RREB1: variants seen among roughly 807,000 people sequenced by gnomAD.
RREB1 encodes ras responsive element binding protein 1, also known as ras-responsive element-binding protein 1.
In RREB1, 27 loss-of-function variants were observed where a neutral mutation model predicts 117.8. The ratio of observed to expected loss-of-function variants is 0.23; its 90% CI spans 0.17 to 0.32. RREB1 has a LOEUF of 0.32. Among genes scored for constraint, RREB1 ranks in the 10% least tolerant of loss-of-function variants. The probability of loss-of-function intolerance (pLI) is 1.00; values close to 1 mark genes in which losing one functional copy is unlikely to be tolerated. For synonymous variants in RREB1, 1,298 were observed against 1,026.7 expected, an observed-to-expected ratio of 1.26 and a Z score of -5.05; for missense variants, 2,577 against 2,378.2, an observed-to-expected ratio of 1.08 and a Z score of -1.74.
In RREB1 at chr6:7,229,592, A is replaced by G; in HGVS notation, c.1493A>G (p.Gln498Arg). The change falls in exon 10 of 13, where the codon CAG (glutamine) becomes CGG (arginine). Residue 498 changes from glutamine to arginine, a missense_variant. Gln to Arg is a conservative substitution (Grantham distance 43, BLOSUM62 1). Coordinates refer to ENST00000379938, the MANE Select transcript of RREB1 (RefSeq NM_001003699.4). This position sits in a 1 kb window ranked among gnomAD's most constrained non-coding sequence, Gnocchi z 4.5. Reference sequence around the variant, plus strand: ...TCCAAGGCCCCTGCCGCCCCACTGCAGGCGATCTTCAAGCACATGCCCCCT... The same window carrying G: ...TCCAAGGCCCCTGCCGCCCCACTGCGGGCGATCTTCAAGCACATGCCCCCT... The part of the protein sequence containing the change: ...PFSKAPAAPL[Q>R]AIFKHMPPLK... 1.2e-6 allele frequency: 2 copies of G among 1,612,032 alleles called. No individual in the cohort carries two copies. Among genetic ancestry groups the G allele is most frequent in the East Asian group, 2.2e-5 (1 of 44,798 alleles).
At position 7,204,012 on chromosome 6, in the gene RREB1, G is replaced by T. The variant is rs549502919; in HGVS notation, c.426-6792G>T. On this transcript the variant is annotated intron_variant, in intron 6 of 12. Coordinates refer to ENST00000379938, the MANE Select transcript of RREB1 (RefSeq NM_001003699.4). ...CGGTGCATTTCACCAGGAGCATCCT[G>T]CGAGCCCTGGGAGCTGCCTGGCTGA... 5.3e-5 allele frequency among the ~76,000 whole-genome samples: 8 copies of T among 152,314 alleles called. No individual in the cohort carries two copies. In the South Asian group the frequency reaches 1.7e-3, roughly 32 times the overall value.
At position 7,210,852 on chromosome 6, in the gene RREB1, C is replaced by T; in HGVS notation, c.474C>T (p.Ala158=). The T allele has an allele frequency of 6.2e-7, 1 of 1,613,998 alleles. No individual in the cohort carries two copies. Among genetic ancestry groups the T allele is most frequent in the Non-Finnish European group, 8.5e-7 (1 of 1,179,866 alleles). ...ACCCTAACAGTGCCACAGCCACAGC[C>T]CCTCCATCTCCTCTGAAACGTAGGC... is the stretch of plus-strand genomic sequence containing the variant. The part of the protein sequence containing the change: ...EKDPNSATAT[A]PPSPLKRRRL... Residue 158 remains alanine (A), a synonymous_variant, in exon 7 of 13, where the codon GCC becomes GCT. Transcript: ENST00000379938.
chr6:7,174,884 T>C (rs1764422311), intron 1 of RREB1, among the ~76,000 whole-genome samples: 1 of 152,166 alleles, frequency 6.6e-6, no homozygotes, highest in African/African-American at 2.4e-5. Flanking sequence ...GCTGGGATTA[T>C]AGATGTGAGC....
chr6:7,207,806 A>G (rs1366729375), intron 6 of RREB1, among the ~76,000 whole-genome samples: 1 of 152,258 alleles, frequency 6.6e-6, no homozygotes, highest in African/African-American at 2.4e-5. Flanking sequence ...CTCTTACACT[A>G]TTTGAAGAGC....
intron 11 of RREB1, among the ~76,000 whole-genome samples, chr6:7,243,891 C>T (rs1768857436): frequency 6.7e-6 from 1 of 148,686 alleles, no homozygotes; most frequent in African/African-American, 2.5e-5. Context: ...ATGTTCTTTG[C>T]TGAAAAAAAA....
intron 10 of RREB1, among the ~76,000 whole-genome samples, chr6:7,236,850 G>C (rs1377089188): frequency 7.3e-6 from 1 of 136,860 alleles, no homozygotes; most frequent in Non-Finnish European, 1.5e-5. Context: ...TTCTGGGAGA[G>C]TAAACACTGG....
In RREB1 at chr6:7,109,485, G is replaced by C. The variant is rs964771965; in HGVS notation, c.-285+1425G>C. On this transcript the variant is annotated intron_variant, in intron 1 of 12. Coordinates refer to ENST00000379938, the MANE Select transcript of RREB1 (RefSeq NM_001003699.4). ...CGTGAGTGCGGGGCGCGTCGGCCGAGCCCACCGATGGGCGAGGCCACCTTT... is the reference window on the plus strand; with the variant it reads ...CGTGAGTGCGGGGCGCGTCGGCCGACCCCACCGATGGGCGAGGCCACCTTT... 4.2e-5 allele frequency among the ~76,000 whole-genome samples: 6 copies of C among 141,730 alleles called. No individual in the cohort carries two copies. In the East Asian group the frequency reaches 1.3e-3, roughly 30 times the overall value. 93.0% of individuals were successfully genotyped at this position (141,730 alleles called of 152,430 possible). A position where few individuals can be genotyped will look rare whatever the true frequency, so the allele number is the denominator to read the frequency against.
Position 7,226,617 on chromosome 6 carries a change from C to G in RREB1, c.858C>G (p.Phe286Leu). ...SIPAGFHDLG[F>L]TDFSCRKFPR... ...CTGCTGGCTTCCACGACTTAGGATT[C>G]ACGGACTTCTCCTGTAGGAAGTTTC... The change falls in exon 9 of 13, where the codon TTC becomes TTG. Residue 286 changes from phenylalanine (F) to leucine (L), a missense_variant. By Grantham distance (22) the Phe-to-Leu change is conservative (BLOSUM62 0). Transcript: ENST00000379938. The G allele has an allele frequency of 6.2e-7, 1 of 1,614,172 alleles. No individual in the cohort carries two copies. The highest frequency in any genetic ancestry group is 8.5e-7 in the Non-Finnish European group (1 of 1,180,026).
chr6:7,240,519 A>T lies in RREB1; in HGVS notation c.3890A>T (p.His1297Leu), dbSNP rs1487252241. 1 of 1,613,910 alleles carries T rather than the reference A, an allele frequency of 6.2e-7. No individual in the cohort carries two copies. Residue 1297 changes from histidine to leucine, a missense_variant, in exon 11 of 13, where the codon CAC becomes CTC. Physicochemically the swap from His to Leu is moderately conservative, Grantham distance 99. Transcript: ENST00000379938. ...TGTGAACGCCACCAGTTGCGCAAACACGGAGTTACCACCTGTTCCCTGAGA... is the reference window on the plus strand; with the variant it reads ...TGTGAACGCCACCAGTTGCGCAAACTCGGAGTTACCACCTGTTCCCTGAGA... ...SNCERHQLRK[H>L]GVTTCSLRRN...
In RREB1 at chr6:7,230,498, C is replaced by T. The variant is rs1423124207; in HGVS notation, c.2399C>T (p.Ala800Val). ...FECKECSAAFAAKRNCIHHIL... is the reference protein window; with the variant it reads ...FECKECSAAFVAKRNCIHHIL... ...TGCAAGGAGTGCAGCGCCGCGTTCG[C>T]GGCCAAGCGCAACTGCATCCACCAC... Residue 800 changes from alanine (A) to valine (V), a missense_variant, in exon 10 of 13, where the codon GCG (alanine) becomes GTG (valine). Coordinates refer to ENST00000379938, the MANE Select transcript of RREB1 (RefSeq NM_001003699.4). 2.5e-6 allele frequency: 4 copies of T among 1,593,022 alleles called. No individual in the cohort carries two copies. The Admixed American group carries it at 5.1e-5, about 20-fold the overall frequency.
chr6:7,147,645 C>T (rs757413226), intron 1 of RREB1, among the ~76,000 whole-genome samples: 1 of 152,174 alleles, frequency 6.6e-6, no homozygotes, highest in African/African-American at 2.4e-5. Context: ...CTGTCTGCCT[C>T]CATCAAGCTT....
chr6:7,226,690 C>T, intron 9 of RREB1, 34 bp downstream of exon 9: 1 of 1,547,590 alleles, frequency 6.5e-7, no homozygotes, highest in Non-Finnish European at 8.9e-7. Context: ...CAACCAGCAA[C>T]TGCCTTCCAT....
intron 1 of RREB1, among the ~76,000 whole-genome samples, chr6:7,109,271 C>A (rs1286787892): frequency 6.6e-6 from 1 of 151,726 alleles, no homozygotes; most frequent in Non-Finnish European, 1.5e-5. Flanking sequence ...CCCCCAACTT[C>A]CCGCACAAGC....
intron 1 of RREB1, among the ~76,000 whole-genome samples, chr6:7,154,969 G>A (rs746125257): frequency 6.6e-6 from 1 of 152,180 alleles, no homozygotes; most frequent in African/African-American, 2.4e-5. Flanking sequence ...CAATACTAGA[G>A]GGGCATGGCT....
At chr6:7,233,272 A>C (rs796388680) in intron 10 of RREB1, among the ~76,000 whole-genome samples, 52 of 152,364 alleles carry the variant, frequency 3.4e-4, no homozygotes, top group African/African-American at 1.2e-3. Context: ...AATATACTTT[A>C]AATAATTTTG....
intron 8 of RREB1, chr6:7,214,626 G>T (rs892298021): frequency 3.3e-5 from 5 of 152,372 alleles, no homozygotes; most frequent in Admixed American, 1.3e-4. Flanking sequence ...GGCCTAGCCA[G>T]GCGGTGAACT....
chr6:7,139,351 A>G (rs538941400), intron 1 of RREB1: 5 of 152,372 alleles, frequency 3.3e-5, no homozygotes, highest in African/African-American at 1.2e-4. Context: ...GGGATAGTGT[A>G]GAAATGGGAG....
chr6:7,189,081 C>T (rs1468162909), intron 5 of RREB1, 78 bp from the exon 6 acceptor site: 21 of 1,377,382 alleles, frequency 1.5e-5, no homozygotes, highest in Non-Finnish European at 2.0e-5. Context: ...TTTAATAAAG[C>T]TCTGGATCTG....
intron 6 of RREB1, among the ~76,000 whole-genome samples, chr6:7,201,361 C>T (rs971613796): frequency 7.9e-5 from 12 of 152,164 alleles, no homozygotes; most frequent in South Asian, 2.1e-4. Flanking sequence ...TACATTTTTC[C>T]GCCTTTGTTT....
Sources: gnomAD v4.1 joint callset for allele counts (sites outside exome capture counted in the v4.1 genomes callset) on GRCh38, gnomAD v4.1.1 for gene constraint, Gnocchi (gnomAD v3.1) non-coding constraint, MANE v1.5 for transcripts, NCBI Gene and HGNC (gene_info 2026-07-23, HGNC 2026-07-21) for gene names.